ADRA1A: variants seen among roughly 807,000 people sequenced by gnomAD.
The protein encoded by ADRA1A is adrenoceptor alpha 1A, also known as alpha-1A adrenergic receptor.
A neutral mutation model predicts 29.6 loss-of-function variants in ADRA1A; 31 were observed. That is an observed-to-expected ratio of 1.05 (90% confidence interval 0.79 to 1.41). The LOEUF (loss-of-function observed/expected upper bound fraction) is 1.41, where lower values mean the gene tolerates loss of function less well. Ranked by LOEUF, ADRA1A falls within the 40% of genes most tolerant of loss-of-function variation. The probability of loss-of-function intolerance (pLI) is 0.00; values close to 1 mark genes in which losing one functional copy is unlikely to be tolerated. For synonymous variants in ADRA1A, 311 were observed against 254.3 expected, an observed-to-expected ratio of 1.22 and a Z score of -2.12; for missense variants, 619 against 601.1, an observed-to-expected ratio of 1.03 and a Z score of -0.31.
At chr8:26,837,140 A>G (rs1811436482) in intron 2 of ADRA1A, among the ~76,000 whole-genome samples, 1 of 140,734 alleles carries the variant, frequency 7.1e-6, no homozygotes, top group South Asian at 2.2e-4. Context: ...TGTCCTTGTC[A>G]ATAGAAAAAA....
intron 2 of ADRA1A, among the ~76,000 whole-genome samples, chr8:26,849,288 A>C (rs572535841): frequency 1.3e-5 from 2 of 152,340 alleles, no homozygotes; most frequent in African/African-American, 4.8e-5. Context: ...AAACTGCGAC[A>C]CACACAGGAT....
At position 26,787,168 on chromosome 8, in the gene ADRA1A, G is replaced by A. The variant is rs893760544; in HGVS notation, c.884-16502C>T. ...TAAATTTCTAGATGATGCTATCTGC[G>A]AATCTGTCACTGCTTTGCTGGCTTT... On this transcript the variant is annotated intron_variant, in intron 2 of 2. Coordinates refer to ENST00000380573, the MANE Select transcript of ADRA1A (RefSeq NM_000680.4). This position sits in a 1 kb window ranked among gnomAD's most constrained non-coding sequence, Gnocchi z 4.2. Among the ~76,000 whole-genome samples, 1 of 152,112 alleles carries A rather than the reference G, an allele frequency of 6.6e-6. No individual in the cohort carries two copies. The highest frequency in any genetic ancestry group is 1.5e-5 in the Non-Finnish European group (1 of 68,022).
rs780149582 is a variant in ADRA1A at position 26,806,272 on chromosome 8, C to T, written c.884-35606G>A. Among the ~76,000 whole-genome samples the T allele has an allele frequency of 1.3e-5, 2 of 152,028 alleles. No individual in the cohort carries two copies. The highest frequency in any genetic ancestry group is 3.9e-4 in the East Asian group (2 of 5,182). The stretch of plus-strand genomic sequence containing the variant: ...CTTCCTTCAGACAAGGTGGAACTGG[C>T]CCCAGAAGCTGGGTGTTTACACCAA... On this transcript the variant is annotated intron_variant, in intron 2 of 2. Transcript: ENST00000380573. The surrounding 1 kb of genome is among the most constrained non-coding windows in gnomAD (Gnocchi z 4.6).
chr8:26,755,408 A>G (rs1805116251), downstream of ADRA1A, among the ~76,000 whole-genome samples: 4 of 152,250 alleles, frequency 2.6e-5, no homozygotes, highest in South Asian at 8.3e-4. Context: ...GAAGAAGAGC[A>G]GTTGTGTGGT....
chr8:26,752,724 C>T (rs946098608), downstream of ADRA1A, among the ~76,000 whole-genome samples: 1 of 152,172 alleles, frequency 6.6e-6, no homozygotes, highest in Non-Finnish European at 1.5e-5. Flanking sequence ...ATAATGATCC[C>T]TCTTCACCAG....
chr8:26,818,995 A>C (rs1809965667), intron 2 of ADRA1A, among the ~76,000 whole-genome samples: 1 of 152,166 alleles, frequency 6.6e-6, no homozygotes, highest in East Asian at 1.9e-4. Context: ...TGATGTTCAG[A>C]CTTCCACCAA....
intron 2 of ADRA1A, chr8:26,757,098 A>G: frequency 2.8e-6 from 2 of 702,680 alleles, no homozygotes; most frequent in Non-Finnish European, 5.2e-6. Context: ...TCATCCTTGC[A>G]GCTGCTTCTC....
chr8:26,841,570 C>T lies in ADRA1A; in HGVS notation c.883+22517G>A, dbSNP rs966478748. Among the ~76,000 whole-genome samples, 1 of 152,158 alleles carries T rather than the reference C, an allele frequency of 6.6e-6. No homozygotes were observed. The highest frequency in any genetic ancestry group is 1.5e-5 in the Non-Finnish European group (1 of 68,032). ...GATGGCGACAGCACAATCTTTCATC[C>T]CTTTGCTTTGTCCTCTCAGGTCCTG... On this transcript the variant is annotated intron_variant, in intron 2 of 2. Transcript: ENST00000380573. This position sits in a 1 kb window ranked among gnomAD's most constrained non-coding sequence, Gnocchi z 4.4.
At chr8:26,766,273 T>G, downstream of ADRA1A, 2 of 696,578 alleles carry the variant, frequency 2.9e-6, no homozygotes, top group Non-Finnish European at 5.1e-6. Context: ...TGGTTGGTCA[T>G]CAATAACTTC....
chr8:26,795,999 A>G (rs1368723080), intron 2 of ADRA1A, among the ~76,000 whole-genome samples: 1 of 152,126 alleles, frequency 6.6e-6, no homozygotes, highest in African/African-American at 2.4e-5. Context: ...AAAATTGAAG[A>G]TATATGATAA....
At chr8:26,757,572 G>A (rs1232117520) in intron 2 of ADRA1A, among the ~76,000 whole-genome samples, 1 of 149,606 alleles carries the variant, frequency 6.7e-6, no homozygotes, top group Non-Finnish European at 1.5e-5. Flanking sequence ...TCTTTCATAT[G>A]CTTCAATGTA....
At position 26,841,769 on chromosome 8, in the gene ADRA1A, T is replaced by C. The variant is rs1035149968; in HGVS notation, c.883+22318A>G. Reference sequence around the variant, plus strand: ...CCAACTCTGCATCAGCTTTGATAGGTCACAAATGACCTCAGATTACTAAAC... The same window carrying C: ...CCAACTCTGCATCAGCTTTGATAGGCCACAAATGACCTCAGATTACTAAAC... On this transcript the variant is annotated intron_variant, in intron 2 of 2. Transcript: ENST00000380573. The surrounding 1 kb of genome is among the most constrained non-coding windows in gnomAD (Gnocchi z 4.4). 6.6e-6 allele frequency among the ~76,000 whole-genome samples: 1 copy of C among 152,208 alleles called. No individual in the cohort carries two copies. The highest frequency in any genetic ancestry group is 1.5e-5 in the Non-Finnish European group (1 of 68,040).
At chr8:26,817,464 A>C (rs1809848011) in intron 2 of ADRA1A, among the ~76,000 whole-genome samples, 1 of 152,228 alleles carries the variant, frequency 6.6e-6, no homozygotes, top group Non-Finnish European at 1.5e-5. Context: ...TTTGGAAAAC[A>C]GCTTGGTGAT....
chr8:26,801,682 A>G (rs1808586683), intron 2 of ADRA1A, among the ~76,000 whole-genome samples: 3 of 92,084 alleles, frequency 3.3e-5, no homozygotes, highest in African/African-American at 8.8e-5. Flanking sequence ...TAAAATGTTC[A>G]TAAACACAAA....
At position 26,815,268 on chromosome 8, in the gene ADRA1A, C is replaced by T. The variant is rs1429753155; in HGVS notation, c.884-44602G>A. 1.3e-5 allele frequency among the ~76,000 whole-genome samples: 2 copies of T among 152,158 alleles called. No individual in the cohort carries two copies. The highest frequency in any genetic ancestry group is 2.1e-4 in the South Asian group (1 of 4,828). On this transcript the variant is annotated intron_variant, in intron 2 of 2. Transcript: ENST00000380573. The surrounding 1 kb of genome is among the most constrained non-coding windows in gnomAD (Gnocchi z 4.2). ...TCTGGAAATAGGGCATTCTAGAATA[C>T]TGAAAACTATTTTGCCAGAGAACAC...
chr8:26,806,579 T>C lies in ADRA1A; in HGVS notation c.884-35913A>G, dbSNP rs1809000040. On this transcript the variant is annotated intron_variant, in intron 2 of 2. Transcript: ENST00000380573. This position sits in a 1 kb window ranked among gnomAD's most constrained non-coding sequence, Gnocchi z 4.6. ...CATCACTAAGGAGGGCCACCATTAA[T>C]TAGTGGGAAGATGTCATGCCTCACA... Among the ~76,000 whole-genome samples the C allele has an allele frequency of 6.6e-6, 1 of 152,136 alleles. No individual in the cohort carries two copies. The highest frequency in any genetic ancestry group is 2.4e-5 in the African/African-American group (1 of 41,426).
rs61760541 is a variant in ADRA1A at position 26,779,453 on chromosome 8, C to A, written c.884-8787G>T. 3,903 of 699,592 alleles carry A rather than the reference C, an allele frequency of 5.6e-3. 35 individuals carry two copies. The highest frequency in any genetic ancestry group is 6.5e-3 in the Non-Finnish European group (2,499 of 383,608). The allele number at this position is 699,592 out of a possible 1,614,324, so 43.3% of individuals were successfully genotyped here. On this transcript the variant is annotated intron_variant, in intron 2 of 2. Transcript: ENST00000380573. ...CATCTGTAAAAGTAAAGACTTAGAA[C>A]AGTAATTGATGCTACCCCTTCCTAT...
chr8:26,806,697 C>T lies in ADRA1A; in HGVS notation c.884-36031G>A, dbSNP rs975018080. 6.6e-6 allele frequency among the ~76,000 whole-genome samples: 1 copy of T among 151,874 alleles called. No homozygotes were observed. The highest frequency in any genetic ancestry group is 1.9e-4 in the East Asian group (1 of 5,138). ...TTCTCCCTAAGTCTCTTTACTCTGG[C>T]TTAACCGAGAGTTCGGTCATTACAT... On this transcript the variant is annotated intron_variant, in intron 2 of 2. Coordinates refer to ENST00000380573, the MANE Select transcript of ADRA1A (RefSeq NM_000680.4). This position sits in a 1 kb window ranked among gnomAD's most constrained non-coding sequence, Gnocchi z 4.6.
Position 26,865,694 on chromosome 8 carries a change from C to G in ADRA1A, c.-686-39G>C, listed in dbSNP as rs538799421. 2,114 of 985,754 alleles carry G rather than the reference C, an allele frequency of 2.1e-3. 6 individuals carry two copies. Among genetic ancestry groups the G allele is most frequent in the Non-Finnish European group, 2.2e-3 (1,867 of 830,270 alleles). The allele number at this position is 985,754 out of a possible 1,614,324, so 61.1% of individuals were successfully genotyped here. A position where few individuals can be genotyped will look rare whatever the true frequency, so the allele number is the denominator to read the frequency against. ...AAGAGAAAGGCGGCTTTGAGCTAGG[C>G]GCCCCAGGGAAAGAGGCTGTGCTGA... On this transcript the variant is annotated intron_variant, in intron 1 of 2. Coordinates refer to ENST00000380573, the MANE Select transcript of ADRA1A (RefSeq NM_000680.4). This position sits in a 1 kb window ranked among gnomAD's most constrained non-coding sequence, Gnocchi z 7.6.
Sources: allele counts gnomAD v4.1 joint callset (sites outside exome capture counted in the v4.1 genomes callset), GRCh38; gene constraint gnomAD v4.1.1; non-coding constraint Gnocchi (gnomAD v3.1); transcripts MANE v1.5; gene names NCBI Gene and HGNC (gene_info 2026-07-23, HGNC 2026-07-21).